IL1RAPL1: variants seen among roughly 807,000 people sequenced by gnomAD.
The protein encoded by IL1RAPL1 is interleukin 1 receptor accessory protein like 1.
A neutral mutation model predicts 48.4 loss-of-function variants in IL1RAPL1; 3 were observed. That is an observed-to-expected ratio of 0.06 (90% CI 0.03 to 0.16). IL1RAPL1 has a LOEUF of 0.16. Ranked by LOEUF, IL1RAPL1 falls within the 10% of genes least tolerant of loss-of-function variation. The pLI is 1.00. For missense variants in IL1RAPL1, 349 were observed against 530.6 expected (o/e 0.66, Z 3.36); for synonymous variants, 185 against 187.7 (o/e 0.99, Z 0.12).
At chrX:29,504,435 G>T (rs982257055) in intron 5 of IL1RAPL1, among the ~76,000 whole-genome samples, 1 of 111,483 alleles carries the variant, frequency 9.0e-6, no homozygotes, top group African/African-American at 3.3e-5. Context: ...TTGAAGTGTT[G>T]AATCCCATAC....
chrX:29,574,861 G>T (rs899807248), intron 5 of IL1RAPL1, among the ~76,000 whole-genome samples: 1 of 111,796 alleles, frequency 8.9e-6, no homozygotes, highest in Non-Finnish European at 1.9e-5. Flanking sequence ...TCTCTCTCAA[G>T]TTCAAAGTTC....
chrX:28,809,582 C>T (rs1664805722), intron 2 of IL1RAPL1, among the ~76,000 whole-genome samples: 2 of 110,198 alleles, frequency 1.8e-5, no homozygotes, highest in Admixed American at 9.7e-5. Flanking sequence ...CAGGTAGTGA[C>T]GAAGAATCAT....
intron 2 of IL1RAPL1, among the ~76,000 whole-genome samples, chrX:29,009,149 G>T (rs1926062394): frequency 8.9e-6 from 1 of 112,056 alleles, no homozygotes; most frequent in Admixed American, 9.4e-5. Context: ...TAAACATTGG[G>T]TACACATAGA....
At chrX:28,821,470 A>G (rs1936936806) in intron 2 of IL1RAPL1, among the ~76,000 whole-genome samples, 1 of 111,604 alleles carries the variant, frequency 9.0e-6, no homozygotes, top group Non-Finnish European at 1.9e-5. Flanking sequence ...TAAGTTTCCC[A>G]AAGACATTTC....
chrX:29,160,558 G>A (rs1264428388), intron 2 of IL1RAPL1, among the ~76,000 whole-genome samples: 1 of 111,845 alleles, frequency 8.9e-6, no homozygotes, highest in African/African-American at 3.2e-5. Context: ...GATTTACATA[G>A]GATGCCAAAT....
intron 2 of IL1RAPL1, among the ~76,000 whole-genome samples, chrX:29,075,768 A>G (rs1054352322): frequency 6.3e-5 from 7 of 111,681 alleles, no homozygotes; most frequent in Non-Finnish European, 1.1e-4. Flanking sequence ...CACTATTATT[A>G]GAAAGGAAAA....
In IL1RAPL1 at chrX:29,346,443, C is replaced by T. The variant is rs530415627; in HGVS notation, c.363-49815C>T. Among the ~76,000 whole-genome samples the T allele has an allele frequency of 8.0e-5, 9 of 112,011 alleles. No individual in the cohort carries two copies. The South Asian group carries it at 3.3e-3, about 42-fold the overall frequency. On this transcript the variant is annotated intron_variant, in intron 3 of 10. Transcript: ENST00000378993. ...TTGATTGCCTTCAGCTGAGCTTGAA[C>T]CTGTGCTCTTAGTGGAGCAGTTTCA... is the stretch of plus-strand genomic sequence containing the variant.
At chrX:29,005,333 A>G (rs1281551323) in intron 2 of IL1RAPL1, among the ~76,000 whole-genome samples, 3 of 112,357 alleles carry the variant, frequency 2.7e-5, no homozygotes, top group Non-Finnish European at 5.6e-5. Flanking sequence ...CAAAGGTACA[A>G]TGGGTCATTT....
At chrX:29,818,781 A>G (rs968100710) in intron 6 of IL1RAPL1, among the ~76,000 whole-genome samples, 1 of 112,269 alleles carries the variant, frequency 8.9e-6, no homozygotes, top group African/African-American at 3.2e-5. Flanking sequence ...AGTTAGTTAC[A>G]TAAGTTTACT....
At chrX:29,279,573 G>A (rs186109020) in intron 2 of IL1RAPL1, among the ~76,000 whole-genome samples, 10 of 111,712 alleles carry the variant, frequency 9.0e-5, no homozygotes, top group African/African-American at 3.2e-4. Context: ...TTTAATGGTA[G>A]TAAAACCTCC....
At chrX:28,831,038 G>C (rs866660905) in intron 2 of IL1RAPL1, among the ~76,000 whole-genome samples, 1,947 of 47,684 alleles carry the variant, frequency 0.041, 64 homozygotes, top group African/African-American at 0.17. Context: ...GTGTGTGTGT[G>C]TGTGTGTGTG....
At chrX:28,595,616 C>A (rs960024554) in intron 1 of IL1RAPL1, among the ~76,000 whole-genome samples, 13 of 111,872 alleles carry the variant, frequency 1.2e-4, no homozygotes, top group Admixed American at 1.9e-4. Flanking sequence ...CACTATGATG[C>A]TTACAACCTC....
intron 5 of IL1RAPL1, among the ~76,000 whole-genome samples, chrX:29,512,971 A>G (rs139359643): frequency 0.012 from 1,397 of 111,899 alleles, 32 homozygotes; most frequent in African/African-American, 0.043. Context: ...AAATACTGAG[A>G]ACATAAAATA....
At chrX:28,910,788 G>T (rs182683665) in intron 2 of IL1RAPL1, among the ~76,000 whole-genome samples, 1 of 108,035 alleles carries the variant, frequency 9.3e-6, no homozygotes. Flanking sequence ...AAAAAAACAC[G>T]TGAGGTCTTT....
At chrX:29,237,966 A>G (rs1260167747) in intron 2 of IL1RAPL1, among the ~76,000 whole-genome samples, 2 of 112,692 alleles carry the variant, frequency 1.8e-5, no homozygotes, top group Non-Finnish European at 3.7e-5. Flanking sequence ...TGTTGGCACA[A>G]TAGAAATTTA....
intron 5 of IL1RAPL1, among the ~76,000 whole-genome samples, chrX:29,632,458 C>A (rs1236322897): frequency 9.0e-6 from 1 of 111,483 alleles, no homozygotes; most frequent in Non-Finnish European, 1.9e-5. Flanking sequence ...CTGTAACTTT[C>A]AATAAACTAT....
At chrX:28,626,002 A>G (rs982379989) in intron 1 of IL1RAPL1, among the ~76,000 whole-genome samples, 6 of 111,976 alleles carry the variant, frequency 5.4e-5, no homozygotes, top group African/African-American at 1.6e-4. Context: ...GTAATAATTT[A>G]TTTTTCTTGT....
chrX:29,284,557 A>C (rs1379082445), intron 3 of IL1RAPL1, among the ~76,000 whole-genome samples: 1 of 111,579 alleles, frequency 9.0e-6, no homozygotes, highest in Non-Finnish European at 1.9e-5. Flanking sequence ...GGCCTGGCCA[A>C]CATGGCAAAA....
Position 29,003,359 on chromosome X carries a change from G to A in IL1RAPL1, c.82+213934G>A, listed in dbSNP as rs986860844. 2.7e-5 allele frequency among the ~76,000 whole-genome samples: 3 copies of A among 111,847 alleles called. No individual in the cohort carries two copies. In the Admixed American group the frequency reaches 2.9e-4, roughly 11 times the overall value. On this transcript the variant is annotated intron_variant, in intron 2 of 10. Coordinates refer to ENST00000378993, the MANE Select transcript of IL1RAPL1 (RefSeq NM_014271.4). Reference sequence around the variant, plus strand: ...TGAGGGGAGGGACATCAGGTGCCAAGTACCTACAAACATTTAAACAAGGGA... The same window carrying A: ...TGAGGGGAGGGACATCAGGTGCCAAATACCTACAAACATTTAAACAAGGGA...
Sources: allele counts gnomAD v4.1 joint callset (sites outside exome capture counted in the v4.1 genomes callset), GRCh38; gene constraint gnomAD v4.1.1; transcripts MANE v1.5; gene names NCBI Gene and HGNC (gene_info 2026-07-23, HGNC 2026-07-21).